Variants in ANKS1B observed in about 807,000 individuals in gnomAD.
ANKS1B encodes the protein ankyrin repeat and sterile alpha motif domain-containing protein 1B.
Under a neutral mutation model 148.3 loss-of-function variants are expected in ANKS1B, and 36 were observed. The ratio of observed to expected loss-of-function variants is 0.24; its 90% CI spans 0.19 to 0.32. The LOEUF is 0.32. ANKS1B is among the 10% of genes least tolerant of loss of function. The probability of loss-of-function intolerance (pLI) is 1.00; values close to 1 mark genes in which losing one functional copy is unlikely to be tolerated. For synonymous variants in ANKS1B, 542 were observed against 560.8 expected (o/e 0.97, Z 0.47); for missense variants, 1,157 against 1,542.6 (o/e 0.75, Z 4.19).
At chr12:99,319,948 T>C (rs1201906855) in intron 12 of ANKS1B, among the ~76,000 whole-genome samples, 2 of 152,232 alleles carry the variant, frequency 1.3e-5, no homozygotes, top group Admixed American at 6.5e-5. Context: ...CCTTCACTTA[T>C]GAAGGTTAGT....
intron 8 of ANKS1B, among the ~76,000 whole-genome samples, chr12:99,705,307 G>T (rs2055558730): frequency 6.6e-6 from 1 of 152,006 alleles, no homozygotes; most frequent in South Asian, 2.1e-4. Flanking sequence ...AATGAAAATA[G>T]GTGATTGAGA....
chr12:99,423,768 A>G (rs974047032), intron 11 of ANKS1B, among the ~76,000 whole-genome samples: 7 of 152,166 alleles, frequency 4.6e-5, no homozygotes, highest in South Asian at 2.1e-4. Context: ...GTTCTCACTT[A>G]TAAGTGGGAG....
At chr12:99,184,857 G>C (rs867389029) in intron 14 of ANKS1B, among the ~76,000 whole-genome samples, 1 of 152,094 alleles carries the variant, frequency 6.6e-6, no homozygotes, top group Non-Finnish European at 1.5e-5. Context: ...TAAAATGAGG[G>C]TTAAAAATTA....
At chr12:99,539,358 A>C (rs564213974) in intron 9 of ANKS1B, among the ~76,000 whole-genome samples, 1 of 152,304 alleles carries the variant, frequency 6.6e-6, no homozygotes, top group Non-Finnish European at 1.5e-5. Context: ...CAAATAAGGG[A>C]GGAGGAAATA....
rs1219591616 is a variant in ANKS1B at position 99,120,790 on chromosome 12, G to C, written c.2526+33499C>G. ...AAGAGCAGTGGATTTGAGGTCCCTGGGGGGCATCCACGTGGAAAAACAGGC... is the reference window on the plus strand; with the variant it reads ...AAGAGCAGTGGATTTGAGGTCCCTGCGGGGCATCCACGTGGAAAAACAGGC... On this transcript the variant is annotated intron_variant, in intron 15 of 26. Coordinates refer to ENST00000683438, the MANE Select transcript of ANKS1B (RefSeq NM_001352186.2). Among the ~76,000 whole-genome samples, 4 of 152,104 alleles carry C rather than the reference G, an allele frequency of 2.6e-5. No individual in the cohort carries two copies. The East Asian group carries it at 7.7e-4, about 29-fold the overall frequency.
intron 9 of ANKS1B, among the ~76,000 whole-genome samples, chr12:99,551,761 T>A (rs1364307477): frequency 1.3e-5 from 2 of 152,156 alleles, no homozygotes; most frequent in Non-Finnish European, 2.9e-5. Context: ...TGAATTAGTG[T>A]AACAGTTCCC....
At chr12:99,850,281 G>GTC (rs71436968) in intron 1 of ANKS1B, among the ~76,000 whole-genome samples, 5,004 of 114,154 alleles carry the variant, frequency 0.044, 151 homozygotes, top group Middle Eastern at 0.06. Flanking sequence ...AAGCAAGAAA[G>GTC]TCTCTCTCTC....
At position 98,844,669 on chromosome 12, in the gene ANKS1B, G is replaced by T. The variant is rs1405523363; in HGVS notation, c.2779-12533C>A. 2.0e-5 allele frequency among the ~76,000 whole-genome samples: 3 copies of T among 152,252 alleles called. No individual in the cohort carries two copies. In the East Asian group the frequency reaches 5.8e-4, roughly 29 times the overall value. Reference sequence around the variant, plus strand: ...GGCTCTATGAGGGAAAAATTAAGTGGATTCACAGCTGGTTGTACATCTATA... The same window carrying T: ...GGCTCTATGAGGGAAAAATTAAGTGTATTCACAGCTGGTTGTACATCTATA... On this transcript the variant is annotated intron_variant, in intron 17 of 26. Coordinates refer to ENST00000683438, the MANE Select transcript of ANKS1B (RefSeq NM_001352186.2).
chr12:99,701,362 G>A (rs955912209), intron 8 of ANKS1B, among the ~76,000 whole-genome samples: 6 of 152,020 alleles, frequency 3.9e-5, no homozygotes, highest in Admixed American at 2.0e-4. Flanking sequence ...CAACAGATAT[G>A]CTGCTGCTGC....
At chr12:99,411,269 G>A (rs905837031) in intron 11 of ANKS1B, among the ~76,000 whole-genome samples, 1 of 152,160 alleles carries the variant, frequency 6.6e-6, no homozygotes, top group African/African-American at 2.4e-5. Flanking sequence ...TGTACCCAAT[G>A]TTTAGGTCCC....
At chr12:99,362,164 G>A (rs2092516291) in intron 12 of ANKS1B, among the ~76,000 whole-genome samples, 2 of 152,156 alleles carry the variant, frequency 1.3e-5, no homozygotes, top group Middle Eastern at 3.4e-3. Context: ...GTCTTAAAAA[G>A]TGGAGGGGAT....
chr12:98,839,463 AG>A (rs1490937797), intron 17 of ANKS1B, among the ~76,000 whole-genome samples: 4 of 152,152 alleles, frequency 2.6e-5, no homozygotes, highest in Non-Finnish European at 5.9e-5. Flanking sequence ...CCAGCCTAAA[AG>A]GGGTTTCTGT....
Position 99,219,918 on chromosome 12 carries a change from G to A in ANKS1B, c.2419+24424C>T, listed in dbSNP as rs553384098. On this transcript the variant is annotated intron_variant, in intron 14 of 26. Coordinates refer to ENST00000683438, the MANE Select transcript of ANKS1B (RefSeq NM_001352186.2). Reference sequence around the variant, plus strand: ...AAGGAACAGAGTGGTGGTGAGTGGTGTTCAAATATTTTAAAAGTATTGGAG... The same window carrying A: ...AAGGAACAGAGTGGTGGTGAGTGGTATTCAAATATTTTAAAAGTATTGGAG... Among the ~76,000 whole-genome samples the A allele has an allele frequency of 3.3e-5, 5 of 152,340 alleles. No homozygotes were observed. In the East Asian group the frequency reaches 9.6e-4, roughly 29 times the overall value.
intron 15 of ANKS1B, among the ~76,000 whole-genome samples, chr12:99,150,059 T>C (rs1396428728): frequency 6.6e-6 from 1 of 152,184 alleles, no homozygotes. Flanking sequence ...TAACACTGTC[T>C]CTGGCACAGA....
intron 15 of ANKS1B, among the ~76,000 whole-genome samples, chr12:99,147,523 A>C (rs2073550432): frequency 1.3e-5 from 2 of 152,162 alleles, no homozygotes; most frequent in Admixed American, 1.3e-4. Flanking sequence ...GATTTTAAGC[A>C]GAGTAGTGCT....
intron 8 of ANKS1B, among the ~76,000 whole-genome samples, chr12:99,717,374 C>T (rs2057464227): frequency 6.6e-6 from 1 of 152,178 alleles, no homozygotes; most frequent in Non-Finnish European, 1.5e-5. Context: ...AAACCCCAGC[C>T]ACATCTCCAG....
At chr12:98,844,132 T>A (rs181214643) in intron 17 of ANKS1B, among the ~76,000 whole-genome samples, 1 of 152,302 alleles carries the variant, frequency 6.6e-6, no homozygotes, top group Non-Finnish European at 1.5e-5. Context: ...GGTGTCAGGA[T>A]GACCTGAGTG....
chr12:99,637,091 A>C (rs1487918269), intron 9 of ANKS1B, among the ~76,000 whole-genome samples: 1 of 152,158 alleles, frequency 6.6e-6, no homozygotes, highest in Non-Finnish European at 1.5e-5. Context: ...GGATCATTTG[A>C]GGTCAGGAGT....
chr12:99,976,819 T>C (rs1469074336), intron 1 of ANKS1B, among the ~76,000 whole-genome samples: 1 of 152,190 alleles, frequency 6.6e-6, no homozygotes, highest in East Asian at 1.9e-4. Context: ...TTAGTCTATT[T>C]TGTGTTCCTA....
Sources: allele counts gnomAD v4.1 joint callset (sites outside exome capture counted in the v4.1 genomes callset), GRCh38; gene constraint gnomAD v4.1.1; transcripts MANE v1.5; gene names NCBI Gene and HGNC (gene_info 2026-07-23, HGNC 2026-07-21).